The following BNC2 variants were observed in gnomAD, a reference collection of about 807,000 sequenced individuals.
BNC2 encodes the protein basonuclin zinc finger protein 2, also known as zinc finger protein basonuclin-2.
A neutral mutation model predicts 76.3 loss-of-function variants in BNC2; 20 were observed. That is an observed-to-expected ratio of 0.26 (90% confidence interval 0.18 to 0.38). The LOEUF (loss-of-function observed/expected upper bound fraction) is 0.38. Ranked by LOEUF, BNC2 falls within the 10% of genes least tolerant of loss-of-function variation. BNC2 has a pLI of 1.00. For synonymous variants in BNC2, 582 were observed against 514.8 expected, an observed-to-expected ratio of 1.13 and a Z score of -1.77; for missense variants, 1,382 against 1,399.8, an observed-to-expected ratio of 0.99 and a Z score of 0.20.
At chr9:16,742,651 C>CA (rs1824884569) in intron 1 of BNC2, among the ~76,000 whole-genome samples, 2 of 152,120 alleles carry the variant, frequency 1.3e-5, no homozygotes, top group Admixed American at 1.3e-4. Context: ...TACTGTGGGC[C>CA]AAAATGAGAT....
chr9:16,815,538 T>C (rs1047523082), intron 1 of BNC2, among the ~76,000 whole-genome samples: 2 of 152,222 alleles, frequency 1.3e-5, no homozygotes, highest in Non-Finnish European at 1.5e-5. Flanking sequence ...ATCTGGGATC[T>C]AAAGATAAGT....
chr9:16,721,160 T>G (rs1056070563), intron 3 of BNC2, among the ~76,000 whole-genome samples: 1 of 152,228 alleles, frequency 6.6e-6, no homozygotes, highest in Admixed American at 6.5e-5. Flanking sequence ...CTGCACATTT[T>G]AAAACTTCTT....
intron 5 of BNC2, among the ~76,000 whole-genome samples, chr9:16,501,383 A>C (rs988814240): frequency 6.6e-6 from 1 of 152,230 alleles, no homozygotes; most frequent in African/African-American, 2.4e-5. Flanking sequence ...GATGATAATA[A>C]TGATACCAAT....
rs530269968 is a variant in BNC2, at chr9:16,528,263, C to T, written c.669+24267G>A. Among the ~76,000 whole-genome samples, 26 of 152,144 alleles carry T rather than the reference C, an allele frequency of 1.7e-4. 1 individual carries two copies. The East Asian group carries it at 4.8e-3, about 28-fold the overall frequency. On this transcript the variant is annotated intron_variant, in intron 5 of 6. Coordinates refer to ENST00000380672, the MANE Select transcript of BNC2 (RefSeq NM_017637.6). ...ATAGTTCTTGAATATAACTTTTTCT[C>T]TTATTTTTTCTTGTCATCTCTTTAA...
chr9:16,719,191 G>A (rs147395710), intron 3 of BNC2, among the ~76,000 whole-genome samples: 94 of 152,190 alleles, frequency 6.2e-4, no homozygotes, highest in Middle Eastern at 3.4e-3. Flanking sequence ...ATATCTTGCC[G>A]GTGACATCCC....
At chr9:16,518,430 AAAT>A (rs1210228345) in intron 5 of BNC2, among the ~76,000 whole-genome samples, 4 of 152,110 alleles carry the variant, frequency 2.6e-5, no homozygotes, top group Admixed American at 1.3e-4. Context: ...ATATCTTTAA[AAAT>A]AATAATAATA....
At chr9:16,868,852 TCAC>T (rs1819606382) in intron 1 of BNC2, among the ~76,000 whole-genome samples, 1 of 151,940 alleles carries the variant, frequency 6.6e-6, no homozygotes, top group East Asian at 1.9e-4. Flanking sequence ...GTACAAGGTC[TCAC>T]TACTAGGGTA....
chr9:16,434,985 A>T, intron 6 of BNC2: 1 of 471,148 alleles, frequency 2.1e-6, no homozygotes, highest in South Asian at 1.5e-5. Context: ...AAAGAATTCA[A>T]GGACACACTA....
intron 1 of BNC2, among the ~76,000 whole-genome samples, chr9:16,780,019 A>T (rs564722855): frequency 6.8e-6 from 1 of 147,070 alleles, no homozygotes; most frequent in South Asian, 2.2e-4. Context: ...GGCGGATCAC[A>T]AGGTCAGCAG....
intron 2 of BNC2, among the ~76,000 whole-genome samples, chr9:16,734,702 A>G (rs1184742548): frequency 6.6e-6 from 1 of 152,248 alleles, no homozygotes; most frequent in African/African-American, 2.4e-5. Context: ...TTTACACATA[A>G]GAACATGATA....
At chr9:16,495,595 T>G (rs1363662390) in intron 5 of BNC2, among the ~76,000 whole-genome samples, 1 of 152,216 alleles carries the variant, frequency 6.6e-6, no homozygotes, top group Non-Finnish European at 1.5e-5. Flanking sequence ...TGGTGCTGAA[T>G]GTAGTTCAGG....
At chr9:16,811,560 A>AAG (rs1310113926) in intron 1 of BNC2, among the ~76,000 whole-genome samples, 1 of 151,346 alleles carries the variant, frequency 6.6e-6, no homozygotes, top group Non-Finnish European at 1.5e-5. Context: ...CTCAAAAAAA[A>AAG]AAAAAAAAAA....
Position 16,436,403 on chromosome 9 carries a change from G to A in BNC2, c.1791C>T (p.Thr597=). Reference sequence around the variant, plus strand: ...GGGGGTGCTGCTCTATGGTACCACTGGTTGGAATGATGGGACTGGTTGGGA... The same window carrying A: ...GGGGGTGCTGCTCTATGGTACCACTAGTTGGAATGATGGGACTGGTTGGGA... ...TSLPTSPIIP[T]SGTIEQHPPP... Residue 597 remains threonine (T), a synonymous_variant, in exon 6 of 7, where the codon ACC becomes ACT. Coordinates refer to ENST00000380672, the MANE Select transcript of BNC2 (RefSeq NM_017637.6). The A allele has an allele frequency of 1.2e-6, 2 of 1,614,130 alleles. No individual in the cohort carries two copies. Among genetic ancestry groups the A allele is most frequent in the East Asian group, 2.2e-5 (1 of 44,868 alleles).
intron 4 of BNC2, among the ~76,000 whole-genome samples, chr9:16,566,294 T>C (rs995993578): frequency 5.3e-5 from 8 of 152,150 alleles, no homozygotes; most frequent in Admixed American, 2.6e-4. Flanking sequence ...GTTAAGTGTA[T>C]ATAATAGAAT....
At chr9:16,557,776 T>G in intron 4 of BNC2, among the ~76,000 whole-genome samples, 1 of 152,122 alleles carries the variant, frequency 6.6e-6, no homozygotes, top group East Asian at 1.9e-4. Context: ...TTCACTCTGG[T>G]AATAGAAGCT....
At chr9:16,424,720 T>C (rs1820772532) in intron 6 of BNC2, among the ~76,000 whole-genome samples, 1 of 152,184 alleles carries the variant, frequency 6.6e-6, no homozygotes, top group Non-Finnish European at 1.5e-5. Flanking sequence ...GTTAAGTACA[T>C]TGTAAGACTA....
intron 1 of BNC2, among the ~76,000 whole-genome samples, chr9:16,754,624 C>T (rs1825325548): frequency 6.6e-6 from 1 of 152,042 alleles, no homozygotes; most frequent in Non-Finnish European, 1.5e-5. Context: ...GTGGCACAAT[C>T]TCGACTCACT....
chr9:16,548,139 T>C (rs531870207), intron 5 of BNC2, among the ~76,000 whole-genome samples: 1 of 152,194 alleles, frequency 6.6e-6, no homozygotes, highest in African/African-American at 2.4e-5. Flanking sequence ...AGGACCCACC[T>C]GCAAATGAGA....
intron 3 of BNC2, among the ~76,000 whole-genome samples, chr9:16,623,695 G>C (rs557656592): frequency 1.9e-4 from 29 of 152,230 alleles, no homozygotes; most frequent in South Asian, 6.2e-4. Context: ...AAGTGAGGCT[G>C]GATTAATTCA....
Sources: gnomAD v4.1 joint callset for allele counts (sites outside exome capture counted in the v4.1 genomes callset) on GRCh38, gnomAD v4.1.1 for gene constraint, MANE v1.5 for transcripts, NCBI Gene and HGNC (gene_info 2026-07-23, HGNC 2026-07-21) for gene names.